Variants in USP34 observed in about 807,000 individuals in gnomAD.
USP34 encodes ubiquitin specific peptidase 34.
A neutral mutation model predicts 460.3 loss-of-function variants in USP34; 70 were observed. The observed-to-expected ratio is 0.15, with a 90% CI of 0.13 to 0.19. The LOEUF (loss-of-function observed/expected upper bound fraction) is 0.19, where lower values mean the gene tolerates loss of function less well. Among genes scored for constraint, USP34 ranks in the 10% least tolerant of loss-of-function variants. The pLI is 1.00. For synonymous variants in USP34, 1,647 were observed against 1,405.3 expected (o/e 1.17, Z -3.85); for missense variants, 3,985 against 4,236.2 (o/e 0.94, Z 1.65).
intron 69 of USP34, among the ~76,000 whole-genome samples, chr2:61,209,295 G>T (rs940835049): frequency 1.3e-5 from 2 of 151,982 alleles, no homozygotes; most frequent in African/African-American, 4.8e-5. Flanking sequence ...GTTAAATTCT[G>T]GATAATCATA....
chr2:61,465,589 T>C (rs1360897953), intron 1 of USP34, among the ~76,000 whole-genome samples: 1 of 152,202 alleles, frequency 6.6e-6, no homozygotes, highest in Admixed American at 6.5e-5. Flanking sequence ...ATGCCTGTAA[T>C]TCCAGTACTT....
At chr2:61,353,045 C>T (rs952466308) in intron 10 of USP34, among the ~76,000 whole-genome samples, 8 of 152,244 alleles carry the variant, frequency 5.3e-5, no homozygotes, top group Non-Finnish European at 1.0e-4. Context: ...ATAGCTGCTA[C>T]TGCTACCCAT....
At chr2:61,299,371 G>C (rs576502093) in intron 29 of USP34, among the ~76,000 whole-genome samples, 1 of 152,122 alleles carries the variant, frequency 6.6e-6, no homozygotes, top group Non-Finnish European at 1.5e-5. Context: ...AAAGGTCTTA[G>C]AATAAGCCCA....
intron 43 of USP34, among the ~76,000 whole-genome samples, chr2:61,262,189 T>C (rs1451272563): frequency 6.7e-6 from 1 of 150,122 alleles, no homozygotes; most frequent in African/African-American, 2.4e-5. Flanking sequence ...CTCCTTTTTT[T>C]TTTTACTGTT....
rs1230015805 is a variant in USP34 at position 61,229,465 on chromosome 2, AAAAAAAAAAAC to A, written c.7199+72_7199+82del. On this transcript the variant is annotated intron_variant, in intron 59 of 79. Transcript: ENST00000398571. ...GAAGAAACCCTATCTCTTAAAAAAA[AAAAAAAAAAAC>A]AAAAAAAAAAAACAAAAACACCACA... The A allele has an allele frequency of 1.8e-4, 113 of 633,264 alleles. No individual in the cohort carries two copies. In the African/African-American group the frequency reaches 2.0e-3, roughly 11 times the overall value. The allele number at this position is 633,264 out of a possible 1,614,324, so 39.2% of individuals were successfully genotyped here.
In USP34 at chr2:61,371,017, G is replaced by GT. The variant is rs539669868; in HGVS notation, c.1077-439dup. ...AAAAGAATTATCCCCAAGCCAAACTGTAAGTCTCCTGGCTGATACTATTGA... is the reference window on the plus strand; with the variant it reads ...AAAAGAATTATCCCCAAGCCAAACTGTTAAGTCTCCTGGCTGATACTATTGA... On this transcript the variant is annotated intron_variant, in intron 8 of 79. Transcript: ENST00000398571. Among the ~76,000 whole-genome samples the GT allele has an allele frequency of 2.8e-4, 43 of 152,252 alleles. 2 individuals carry two copies. In the East Asian group the frequency reaches 8.1e-3, roughly 29 times the overall value.
intron 68 of USP34, 69 bp downstream of exon 68, chr2:61,213,991 C>T: frequency 1.3e-6 from 2 of 1,577,494 alleles, no homozygotes; most frequent in African/African-American, 1.4e-5. Flanking sequence ...CACCACTTCC[C>T]ACCAGGGGAA....
intron 10 of USP34, among the ~76,000 whole-genome samples, chr2:61,360,031 C>T (rs1415354100): frequency 1.3e-5 from 2 of 151,984 alleles, no homozygotes; most frequent in Non-Finnish European, 2.9e-5. Flanking sequence ...GATCCACCCG[C>T]CTCAGCTTCC....
rs1283854968 is a variant in USP34, at chr2:61,241,748, C to A, written c.6681+18G>T. 1 of 1,497,026 alleles carries A rather than the reference C, an allele frequency of 6.7e-7. No individual in the cohort carries two copies. Among genetic ancestry groups the A allele is most frequent in the African/African-American group, 1.4e-5 (1 of 70,326 alleles). The allele number at this position is 1,497,026 out of a possible 1,614,324, so 92.7% of individuals were successfully genotyped here. A position where few individuals can be genotyped will look rare whatever the true frequency, so the allele number is the denominator to read the frequency against. On this transcript the variant is annotated intron_variant, in intron 52 of 79. Coordinates refer to ENST00000398571, the MANE Select transcript of USP34 (RefSeq NM_014709.4). Reference sequence around the variant, plus strand: ...GAAGAAAAAACAATATAAAATTATACATGAAAAAAATGGTTACCTTTTCAA... The same window carrying A: ...GAAGAAAAAACAATATAAAATTATAAATGAAAAAAATGGTTACCTTTTCAA...
rs149851783 is a variant in USP34 at position 61,449,668 on chromosome 2, T to C, written c.43+20982A>G. ...AGAGTACAGAAAAAAACCCTATATA[T>C]GTACAGGCAAATGACTTTCAAACAA... On this transcript the variant is annotated intron_variant, in intron 1 of 79. Transcript: ENST00000398571. Among the ~76,000 whole-genome samples, 148 of 152,268 alleles carry C rather than the reference T, an allele frequency of 9.7e-4. No homozygotes were observed. In the East Asian group the frequency reaches 0.019, roughly 20 times the overall value.
At chr2:61,450,421 T>C (rs77714303) in intron 1 of USP34, among the ~76,000 whole-genome samples, 3,913 of 152,200 alleles carry the variant, frequency 0.026, 177 homozygotes, top group African/African-American at 0.09. Flanking sequence ...ATTTATTAGA[T>C]TGGTACAAAA....
chr2:61,340,718 C>A (rs1691570560), intron 16 of USP34, among the ~76,000 whole-genome samples: 1 of 151,986 alleles, frequency 6.6e-6, no homozygotes, highest in Non-Finnish European at 1.5e-5. Flanking sequence ...CATGTGTATA[C>A]CTCTTTGGTG....
At chr2:61,274,118 G>C (rs1689301141) in intron 41 of USP34, among the ~76,000 whole-genome samples, 1 of 151,914 alleles carries the variant, frequency 6.6e-6, no homozygotes, top group South Asian at 2.1e-4. Flanking sequence ...GGCCAGGTGA[G>C]GTGGTTCACG....
At chr2:61,438,166 G>A (rs1223758741) in intron 1 of USP34, among the ~76,000 whole-genome samples, 1 of 152,174 alleles carries the variant, frequency 6.6e-6, no homozygotes, top group Non-Finnish European at 1.5e-5. Context: ...GATGAACTGG[G>A]ATTCAACCCA....
At position 61,405,826 on chromosome 2, in the gene USP34, G is replaced by A. The variant is rs761375110; in HGVS notation, c.434C>T (p.Pro145Leu). 1 of 1,613,620 alleles carries A rather than the reference G, an allele frequency of 6.2e-7. No homozygotes were observed. Among genetic ancestry groups the A allele is most frequent in the South Asian group, 1.1e-5 (1 of 90,986 alleles). ...CTCATCTGTACTCCATAAACTAAAA[G>A]GATCAGAACTCTTTGAAGATTCCTC... The part of the protein sequence containing the change: ...TEEESSKSSD[P>L]FSLWSTDEKE... The change falls in exon 3 of 80, where the codon CCT becomes CTT. Residue 145 changes from proline to leucine, a missense_variant. By Grantham distance (98) the Pro-to-Leu change is moderately conservative. Transcript: ENST00000398571.
chr2:61,195,240 C>A (rs932940012), intron 75 of USP34, among the ~76,000 whole-genome samples: 1 of 151,714 alleles, frequency 6.6e-6, no homozygotes, highest in African/African-American at 2.4e-5. Context: ...GAAATGGGGT[C>A]TTGCCATGTT....
intron 53 of USP34, among the ~76,000 whole-genome samples, chr2:61,236,998 GGTCGGTTC>G (rs1688088382): frequency 6.6e-6 from 1 of 152,046 alleles, no homozygotes; most frequent in South Asian, 2.1e-4. Context: ...AATTTTGGTT[GGTCGGTTC>G]ATTTTGAGCT....
At chr2:61,411,072 C>A (rs1303875196) in intron 2 of USP34, among the ~76,000 whole-genome samples, 1 of 152,032 alleles carries the variant, frequency 6.6e-6, no homozygotes, top group East Asian at 1.9e-4. Flanking sequence ...AACTCAGGAA[C>A]ACCAGATACC....
chr2:61,422,207 T>C (rs1694382876), intron 1 of USP34, among the ~76,000 whole-genome samples: 1 of 152,194 alleles, frequency 6.6e-6, no homozygotes, highest in Admixed American at 6.5e-5. Flanking sequence ...TCTTGCATTG[T>C]ATGATTTCAA....
Sources: gnomAD v4.1 joint callset for allele counts (sites outside exome capture counted in the v4.1 genomes callset) on GRCh38, gnomAD v4.1.1 for gene constraint, MANE v1.5 for transcripts, NCBI Gene and HGNC (gene_info 2026-07-23, HGNC 2026-07-21) for gene names.